LARGE2: variants seen among roughly 807,000 people sequenced by gnomAD.
LARGE2 encodes xylosyl- and glucuronyltransferase LARGE2.
Under a neutral mutation model 75.3 loss-of-function variants are expected in LARGE2, and 63 were observed. The observed-to-expected ratio is 0.84, with a 90% CI of 0.68 to 1.03. The LOEUF is 1.03. Among genes scored for constraint, LARGE2 ranks in the 50% least tolerant of loss-of-function variants. LARGE2 has a pLI of 0.00. For missense variants in LARGE2, 925 were observed against 980.6 expected (o/e 0.94, Z 0.76); for synonymous variants, 428 against 420.1 (o/e 1.02, Z -0.23).
intron 4 of LARGE2, 85 bp downstream of exon 4, chr11:45,924,362 TC>T: frequency 6.3e-7 from 1 of 1,579,288 alleles, no homozygotes; most frequent in Non-Finnish European, 8.6e-7. Context: ...GAGAAGAGAA[TC>T]ATCAGTCCCC....
chr11:45,927,779 C>T, intron 11 of LARGE2, 141 bp from the exon 12 acceptor site: 1 of 1,441,768 alleles, frequency 6.9e-7, no homozygotes, highest in Non-Finnish European at 9.6e-7. Context: ...ACAGCAGCTC[C>T]ACCTGTGGTT....
intron 3 of LARGE2, among the ~76,000 whole-genome samples, 169 bp from the exon 4 acceptor site, chr11:45,923,985 C>CAAAAAAAAAAAAAAAAAA (rs60577963): frequency 1.4e-5 from 1 of 69,556 alleles, no homozygotes; most frequent in Admixed American, 1.9e-4. Flanking sequence ...GACTCCGTCT[C>CAAAAAAAAAAAAAAAAAA]AAAAAAAAAA....
chr11:45,923,241 G>A, intron 2 of LARGE2, 74 bp downstream of exon 2: 2 of 1,306,028 alleles, frequency 1.5e-6, no homozygotes, highest in South Asian at 1.9e-5. Flanking sequence ...GACATCTGCG[G>A]GAATCACAGT....
intron 10 of LARGE2, among the ~76,000 whole-genome samples, 177 bp from the exon 11 acceptor site, chr11:45,927,138 C>T (rs2087188173): frequency 6.6e-6 from 1 of 152,184 alleles, no homozygotes; most frequent in Non-Finnish European, 1.5e-5. Context: ...TGAGAAAGTA[C>T]CCACCTGGTG....
chr11:45,923,145 C>T lies in LARGE2; in HGVS notation c.263C>T (p.Pro88Leu). The change falls in exon 2 of 14, where the codon CCG becomes CTG. Residue 88 changes from proline to leucine, a missense_variant. Around this residue, in one of 3 missense-constraint regions of LARGE2, gnomAD observed 453 missense variants for 460.2 expected, o/e 0.98. Coordinates refer to ENST00000401752, the MANE Select transcript of LARGE2 (RefSeq NM_001300721.2). ...DHNRSDCGPQ[P>L]PPPPKCELLH... is the part of the protein sequence containing the mutation. ...AACCGCTCCGACTGCGGCCCGCAGC[C>T]GCCGCCGCCGCCCAAGTGCGAGGTA... The T allele has an allele frequency of 7.5e-7, 1 of 1,329,088 alleles. No homozygotes were observed. Among genetic ancestry groups the T allele is most frequent in the Non-Finnish European group, 9.5e-7 (1 of 1,047,132 alleles). 82.3% of individuals were successfully genotyped at this position (1,329,088 alleles called of 1,614,324 possible).
At position 45,924,631 on chromosome 11, in the gene LARGE2, C is replaced by T. The variant is rs1013680782; in HGVS notation, c.618C>T (p.Phe206=). Residue 206 remains phenylalanine, a synonymous_variant, in exon 5 of 14, where the codon TTC becomes TTT. Coordinates refer to ENST00000401752, the MANE Select transcript of LARGE2 (RefSeq NM_001300721.2). ...RVIVLDTDVT[F]ASDISELWAL... ...TTGTCCTGGACACGGATGTCACCTT[C>T]GCCTCTGACATCTCGGAGCTCTGGG... 15 of 1,614,006 alleles carry T rather than the reference C, an allele frequency of 9.3e-6. No individual in the cohort carries two copies. Among genetic ancestry groups the T allele is most frequent in the Middle Eastern group, 1.6e-4 (1 of 6,068 alleles).
intron 11 of LARGE2, 79 bp from the exon 12 acceptor site, chr11:45,927,841 G>A: frequency 6.3e-7 from 1 of 1,596,216 alleles, no homozygotes; most frequent in Non-Finnish European, 8.5e-7. Flanking sequence ...TAGTCCTGTG[G>A]CTAATGCCCT....
chr11:45,923,362 C>A, intron 2 of LARGE2, 111 bp from the exon 3 acceptor site: 1 of 1,177,622 alleles, frequency 8.5e-7, no homozygotes. Context: ...GCTCCTGCTG[C>A]CCCCTCCGCA....
chr11:45,926,923 A>G (rs752472891), intron 10 of LARGE2, 52 bp downstream of exon 10: 31 of 1,529,598 alleles, frequency 2.0e-5, no homozygotes, highest in African/African-American at 6.9e-5. Flanking sequence ...GGGGTTGGAC[A>G]CTTCTGAGAG....
chr11:45,924,482 A>G (rs1318425899), intron 4 of LARGE2, 24 bp from the exon 5 acceptor site: 1 of 1,604,748 alleles, frequency 6.2e-7, no homozygotes, highest in East Asian at 2.2e-5. Flanking sequence ...CTGCCATCTC[A>G]TCTCCTGCCT....
chr11:45,924,297 C>A lies in LARGE2; in HGVS notation c.492+20C>A. ...CTCAAGGCAGGGGCCCAGCCCTTCC[C>A]CCCTCCCCTCAGCTGTGTCCACCGC... On this transcript the variant is annotated intron_variant, in intron 4 of 13. Transcript: ENST00000401752. The A allele has an allele frequency of 3.7e-6, 6 of 1,611,518 alleles. No homozygotes were observed. Among genetic ancestry groups the A allele is most frequent in the Non-Finnish European group, 5.1e-6 (6 of 1,179,814 alleles).
intron 6 of LARGE2, 42 bp downstream of exon 6, chr11:45,924,931 G>T: frequency 7.7e-7 from 1 of 1,297,238 alleles, no homozygotes; most frequent in Middle Eastern, 2.7e-4. Flanking sequence ...GTGGTCTGCT[G>T]GTCCTTGGGC....
intron 3 of LARGE2, 42 bp from the exon 4 acceptor site, chr11:45,924,112 C>G (rs2087044142): frequency 6.2e-7 from 1 of 1,600,282 alleles, no homozygotes; most frequent in Non-Finnish European, 8.5e-7. Flanking sequence ...CCATGTTGCT[C>G]CTGCTGGGGC....
chr11:45,923,979 C>T (rs569460328), intron 3 of LARGE2, among the ~76,000 whole-genome samples, 175 bp from the exon 4 acceptor site: 1 of 108,012 alleles, frequency 9.3e-6, no homozygotes, highest in African/African-American at 3.8e-5. Context: ...GAGCGAGACT[C>T]CGTCTCAAAA....
intron 3 of LARGE2, among the ~76,000 whole-genome samples, chr11:45,923,819 T>C (rs1209198330): frequency 6.6e-6 from 1 of 150,968 alleles, no homozygotes; most frequent in Non-Finnish European, 1.5e-5. Flanking sequence ...ACCCCGTCTC[T>C]ACTAAAAATA....
intron 6 of LARGE2, 54 bp from the exon 7 acceptor site, chr11:45,925,985 T>C (rs1278383127): frequency 2.0e-6 from 3 of 1,464,782 alleles, no homozygotes; most frequent in Non-Finnish European, 2.8e-6. Flanking sequence ...GACCCCCATG[T>C]CCCCCAGGAG....
rs371243417 is a variant in LARGE2, at chr11:45,928,128, C to A, written c.1755-49C>A. ...ACTTGCCCACACTGGCCCCCACTAC[C>A]CACGAGCTCCTAGCCTCAGCCTGGC... On this transcript the variant is annotated intron_variant, in intron 12 of 13. Transcript: ENST00000401752. 8.7e-6 allele frequency: 14 copies of A among 1,612,808 alleles called. No individual in the cohort carries two copies. The South Asian group carries it at 1.5e-4, about 18-fold the overall frequency.
upstream of LARGE2, among the ~76,000 whole-genome samples, chr11:45,922,076 C>A (rs2086939349): frequency 6.6e-6 from 1 of 152,050 alleles, no homozygotes; most frequent in South Asian, 2.1e-4. Flanking sequence ...AGGCCGCCCG[C>A]GTCTGGGGCC....
intron 3 of LARGE2, 95 bp from the exon 4 acceptor site, chr11:45,924,059 A>C: frequency 7.7e-7 from 1 of 1,300,506 alleles, no homozygotes. Flanking sequence ...AGCTCTTTGC[A>C]GATGGCGCTT....
Sources: gnomAD v4.1 joint callset for allele counts (sites outside exome capture counted in the v4.1 genomes callset) on GRCh38, gnomAD v4.1.1 for gene constraint, gnomAD v4.1.1 regional missense constraint, MANE v1.5 for transcripts, NCBI Gene and HGNC (gene_info 2026-07-23, HGNC 2026-07-21) for gene names.